TM4SF4: variants seen among roughly 807,000 people sequenced by gnomAD.
TM4SF4 encodes the protein transmembrane 4 L six family member 4.
In TM4SF4, 24 loss-of-function variants were observed where a neutral mutation model predicts 24.1. That is an observed-to-expected ratio of 1.00 (90% CI 0.72 to 1.40). The LOEUF (loss-of-function observed/expected upper bound fraction) is 1.40. Among genes scored for constraint, TM4SF4 ranks in the 40% most tolerant of loss-of-function variants. TM4SF4 has a pLI of 0.00. For synonymous variants in TM4SF4, 113 were observed against 97.0 expected (o/e 1.17, Z -0.97); for missense variants, 254 against 254.2 (o/e 1.00, Z 0.01).
chr3:149,479,515 C>A (rs1733997286), intron 2 of TM4SF4, among the ~76,000 whole-genome samples: 1 of 152,082 alleles, frequency 6.6e-6, no homozygotes, highest in Non-Finnish European at 1.5e-5. Flanking sequence ...CCTGGCTAAT[C>A]ATTTCTCCAA....
Position 149,502,685 on chromosome 3 carries a change from C to A in TM4SF4, c.601C>A (p.Pro201Thr). ...CTTTTCTACCTTCTAGGGAGATGGA[C>A]CCGTTTAAACCTCCGAGATGAGCTG... is the stretch of plus-strand genomic sequence containing the variant. ...QCCGCCGGDG[P>T]V The change falls in exon 5 of 5, where the codon CCC becomes ACC. Residue 201 changes from proline (P) to threonine (T), a missense_variant. By Grantham distance (38) the Pro-to-Thr change is conservative. Transcript: ENST00000305354. The A allele has an allele frequency of 6.2e-7, 1 of 1,602,454 alleles. No homozygotes were observed. Among genetic ancestry groups the A allele is most frequent in the Non-Finnish European group, 8.5e-7 (1 of 1,169,836 alleles).
chr3:149,478,050 G>C (rs534625459), intron 2 of TM4SF4, among the ~76,000 whole-genome samples: 1 of 152,340 alleles, frequency 6.6e-6, no homozygotes, highest in African/African-American at 2.4e-5. Context: ...ACCACAGTGA[G>C]AAGTGAGATA....
chr3:149,500,766 G>C (rs1291324547), intron 4 of TM4SF4, among the ~76,000 whole-genome samples: 1 of 152,096 alleles, frequency 6.6e-6, no homozygotes, highest in Non-Finnish European at 1.5e-5. Context: ...CAGCACTTTG[G>C]GAGGCCAAGG....
At chr3:149,488,514 G>A (rs1302364369) in intron 3 of TM4SF4, among the ~76,000 whole-genome samples, 4 of 152,200 alleles carry the variant, frequency 2.6e-5, no homozygotes, top group Non-Finnish European at 5.9e-5. Context: ...CACTGACCAG[G>A]ACGGCACTGT....
chr3:149,487,540 A>T (rs909997272), intron 2 of TM4SF4, 79 bp from the exon 3 acceptor site: 2 of 1,556,556 alleles, frequency 1.3e-6, no homozygotes, highest in African/African-American at 2.7e-5. Flanking sequence ...ACCATGTTCA[A>T]CAGCAGGTGG....
chr3:149,492,252 C>G (rs985288903), intron 3 of TM4SF4, among the ~76,000 whole-genome samples: 1 of 152,122 alleles, frequency 6.6e-6, no homozygotes, highest in African/African-American at 2.4e-5. Flanking sequence ...TCTGAGATTT[C>G]GAACTTAGTG....
intron 3 of TM4SF4, among the ~76,000 whole-genome samples, chr3:149,491,394 A>T (rs1734207612): frequency 6.6e-6 from 1 of 152,008 alleles, no homozygotes; most frequent in African/African-American, 2.4e-5. Flanking sequence ...TGGGCCCAGG[A>T]GGTCAAGGCT....
chr3:149,497,612 A>G (rs1576522982), intron 3 of TM4SF4, among the ~76,000 whole-genome samples: 1 of 152,176 alleles, frequency 6.6e-6, no homozygotes, highest in East Asian at 1.9e-4. Context: ...TCAAAATCGT[A>G]CACTTCACAT....
At chr3:149,495,516 A>G in intron 3 of TM4SF4, 1 of 412,448 alleles carries the variant, frequency 2.4e-6, no homozygotes. Context: ...GAAATGCACC[A>G]TGTTGCAAGC....
At chr3:149,491,664 GTTCCT>G (rs1362803422) in intron 3 of TM4SF4, among the ~76,000 whole-genome samples, 1 of 152,064 alleles carries the variant, frequency 6.6e-6, no homozygotes, top group Non-Finnish European at 1.5e-5. Context: ...AATAGACATG[GTTCCT>G]TTCCTATCAG....
intron 3 of TM4SF4, among the ~76,000 whole-genome samples, chr3:149,488,089 T>G (rs1734150644): frequency 6.6e-6 from 1 of 152,128 alleles, no homozygotes; most frequent in African/African-American, 2.4e-5. Flanking sequence ...ATAAACAGAG[T>G]AATAGTTTTC....
At chr3:149,490,710 T>A (rs757191947) in intron 3 of TM4SF4, among the ~76,000 whole-genome samples, 6 of 152,216 alleles carry the variant, frequency 3.9e-5, no homozygotes, top group Non-Finnish European at 7.3e-5. Flanking sequence ...TTAAAAAGGG[T>A]GTGTGGACTC....
At chr3:149,489,170 C>T (rs1347437334) in intron 3 of TM4SF4, among the ~76,000 whole-genome samples, 1 of 152,194 alleles carries the variant, frequency 6.6e-6, no homozygotes, top group Non-Finnish European at 1.5e-5. Flanking sequence ...TGGGGCTACA[C>T]TACCATGGGG....
intron 3 of TM4SF4, among the ~76,000 whole-genome samples, chr3:149,490,020 T>A (rs1001495360): frequency 1.3e-5 from 2 of 152,184 alleles, no homozygotes; most frequent in Admixed American, 1.3e-4. Context: ...TACAAAACCG[T>A]ATATATCACA....
chr3:149,480,573 C>T (rs74342141), intron 2 of TM4SF4, among the ~76,000 whole-genome samples: 3 of 152,202 alleles, frequency 2.0e-5, no homozygotes, highest in East Asian at 1.9e-4. Flanking sequence ...CACTTCTTCC[C>T]GTGCCTGGCT....
At chr3:149,475,362 A>G (rs1357052079) in intron 1 of TM4SF4, among the ~76,000 whole-genome samples, 2 of 152,158 alleles carry the variant, frequency 1.3e-5, no homozygotes, top group African/African-American at 4.8e-5. Context: ...CAAAACAATA[A>G]CAACAACAAA....
chr3:149,482,113 G>A (rs1314537828), intron 2 of TM4SF4, among the ~76,000 whole-genome samples: 1 of 152,196 alleles, frequency 6.6e-6, no homozygotes, highest in Non-Finnish European at 1.5e-5. Context: ...TCTGATTTTC[G>A]AGAGGTGTGT....
intron 2 of TM4SF4, among the ~76,000 whole-genome samples, chr3:149,484,647 G>A (rs1173733600): frequency 6.6e-6 from 1 of 151,834 alleles, no homozygotes; most frequent in African/African-American, 2.4e-5. Context: ...CGCCTCCCGG[G>A]TTCAAGCAAT....
intron 1 of TM4SF4, 157 bp from the exon 2 acceptor site, chr3:149,475,666 A>G (rs1576515779): frequency 1.6e-6 from 1 of 628,380 alleles, no homozygotes; most frequent in East Asian, 2.8e-5. Context: ...AGTACTCCAT[A>G]ACACTCCATT....
Sources: gnomAD v4.1 joint callset for allele counts (sites outside exome capture counted in the v4.1 genomes callset) on GRCh38, gnomAD v4.1.1 for gene constraint, MANE v1.5 for transcripts, NCBI Gene and HGNC (gene_info 2026-07-23, HGNC 2026-07-21) for gene names.